Variants in TRIP11 observed in about 807,000 individuals in gnomAD.
TRIP11 encodes the protein thyroid hormone receptor interactor 11.
TRIP11 carries 148 observed loss-of-function variants against 223.1 expected under a neutral mutation model. The ratio of observed to expected loss-of-function variants is 0.66; its 90% confidence interval spans 0.58 to 0.76. The LOEUF (loss-of-function observed/expected upper bound fraction) is 0.76, where lower values mean the gene tolerates loss of function less well. TRIP11 is among the 30% of genes least tolerant of loss of function. TRIP11 has a pLI of 0.00. For missense variants in TRIP11, 2,043 were observed against 2,222.0 expected (o/e 0.92, Z 1.62); for synonymous variants, 762 against 772.6 (o/e 0.99, Z 0.23).
chr14:91,991,616 A>T (rs2056673286), intron 15 of TRIP11, among the ~76,000 whole-genome samples: 1 of 152,188 alleles, frequency 6.6e-6, no homozygotes, highest in South Asian at 2.1e-4. Flanking sequence ...CAAGATATAC[A>T]TCTAAAAAAA....
intron 16 of TRIP11, among the ~76,000 whole-genome samples, chr14:91,982,417 T>C (rs2056556440): frequency 6.6e-6 from 1 of 151,898 alleles, no homozygotes; most frequent in Non-Finnish European, 1.5e-5. Flanking sequence ...ATTGGGTACA[T>C]ACGGACATAA....
At position 91,975,408 on chromosome 14, in the gene TRIP11, A is replaced by G. The variant is rs1230705956; in HGVS notation, c.5343-122T>C. 9 of 534,790 alleles carry G rather than the reference A, an allele frequency of 1.7e-5. No individual in the cohort carries two copies. In the Admixed American group the frequency reaches 2.7e-4, roughly 16 times the overall value. The allele number at this position is 534,790 out of a possible 1,614,324, so 33.1% of individuals were successfully genotyped here. ...TATTTACTTATAAAAAAGTCTAAAC[A>G]AAATATTTTAAAGTGTCTTTAAAAA... On this transcript the variant is annotated intron_variant, in intron 17 of 20. Transcript: ENST00000267622.
At chr14:91,977,067 T>G (rs2056474544) in intron 16 of TRIP11, 2 of 259,172 alleles carry the variant, frequency 7.7e-6, no homozygotes, top group Admixed American at 1.0e-4. Flanking sequence ...CTGAAAGAAA[T>G]AAAGAGGAGA....
At chr14:91,997,408 G>A (rs977409719) in intron 13 of TRIP11, among the ~76,000 whole-genome samples, 10 of 152,074 alleles carry the variant, frequency 6.6e-5, no homozygotes, top group Non-Finnish European at 1.5e-5. Context: ...TATAGGACAC[G>A]TCGACAATTA....
In TRIP11 at chr14:92,011,024, C is replaced by T; in HGVS notation, c.1276G>A (p.Val426Ile). ...DNLKLKMRIE[V>I]LEKEKSLLSQ... ...AGTAATGACTTCTCTTTTTCTAAAA[C>T]TTCGATACGCATTTTAAGTTTCAGA... The change falls in exon 9 of 21, where the codon GTT becomes ATT. Residue 426 changes from valine (V) to isoleucine (I), a missense_variant. Coordinates refer to ENST00000267622, the MANE Select transcript of TRIP11 (RefSeq NM_004239.4). 2.5e-6 allele frequency: 4 copies of T among 1,613,932 alleles called. No homozygotes were observed. The highest frequency in any genetic ancestry group is 2.5e-6 in the Non-Finnish European group (3 of 1,179,962).
intron 13 of TRIP11, among the ~76,000 whole-genome samples, chr14:91,997,985 T>C (rs1318302217): frequency 6.6e-6 from 1 of 152,114 alleles, no homozygotes; most frequent in Non-Finnish European, 1.5e-5. Flanking sequence ...TATAGCCAAA[T>C]GATCACTCAT....
chr14:92,036,973 T>TC (rs955380877), intron 1 of TRIP11, among the ~76,000 whole-genome samples: 1 of 152,130 alleles, frequency 6.6e-6, no homozygotes, highest in African/African-American at 2.4e-5. Context: ...TAAGCTATCC[T>TC]CCCACTTTAG....
intron 4 of TRIP11, among the ~76,000 whole-genome samples, chr14:92,020,857 G>C (rs2140136531): frequency 1.3e-5 from 2 of 150,104 alleles, no homozygotes; most frequent in East Asian, 4.0e-4. Flanking sequence ...AGATCACGAG[G>C]TTAGGAGTTT....
chr14:91,976,025 T>TA, intron 17 of TRIP11, 83 bp downstream of exon 17: 1 of 1,336,168 alleles, frequency 7.5e-7, no homozygotes, highest in Non-Finnish European at 1.0e-6. Flanking sequence ...TAATCACATA[T>TA]AAACATCTAC....
Position 92,030,021 on chromosome 14 carries a change from C to A in TRIP11, c.201+3171G>T, listed in dbSNP as rs1323691202. On this transcript the variant is annotated intron_variant, in intron 2 of 20. Transcript: ENST00000267622. ...GACCATCCCGGCTAAAACGGTGAAA[C>A]CCCGTCTCTACTAAAAATACAAAAT... 3.3e-5 allele frequency among the ~76,000 whole-genome samples: 5 copies of A among 151,892 alleles called. No individual in the cohort carries two copies. In the South Asian group the frequency reaches 8.3e-4, roughly 25 times the overall value.
Position 91,969,125 on chromosome 14 carries a change from C to T in TRIP11, c.*548G>A, listed in dbSNP as rs184381829. ...AGAATCTACACACATGATAATATTGCACAGGACCAAATACATACTTCACCT... is the reference window on the plus strand; with the variant it reads ...AGAATCTACACACATGATAATATTGTACAGGACCAAATACATACTTCACCT... On this transcript the variant is annotated 3_prime_UTR_variant, in exon 21 of 21. Coordinates refer to ENST00000267622, the MANE Select transcript of TRIP11 (RefSeq NM_004239.4). 1.2e-4 allele frequency: 29 copies of T among 236,086 alleles called. No homozygotes were observed. In the East Asian group the frequency reaches 1.7e-3, roughly 14 times the overall value. The allele number at this position is 236,086 out of a possible 1,614,324, so 14.6% of individuals were successfully genotyped here.
Position 92,006,102 on chromosome 14 carries a change from T to C in TRIP11, c.1874A>G (p.Asn625Ser). 1 of 1,605,720 alleles carries C rather than the reference T, an allele frequency of 6.2e-7. No homozygotes were observed. Among genetic ancestry groups the C allele is most frequent in the Non-Finnish European group, 8.5e-7 (1 of 1,177,330 alleles). ...TTGATTTAGAGACTGCATTAACTCA[T>C]TCCTTATTCTAGAAAGCTCCTCCTC... is the stretch of plus-strand genomic sequence containing the variant. ...QNEEELSRIRNELMQSLNQDS... is the reference protein window; with the variant it reads ...QNEEELSRIRSELMQSLNQDS... The change falls in exon 11 of 21, where the codon AAT becomes AGT. Residue 625 changes from asparagine (N) to serine (S), a missense_variant. Physicochemically the swap from Asn to Ser is conservative, Grantham distance 46 (BLOSUM62 1). Coordinates refer to ENST00000267622, the MANE Select transcript of TRIP11 (RefSeq NM_004239.4).
intron 9 of TRIP11, among the ~76,000 whole-genome samples, chr14:92,010,470 C>A (rs1355728045): frequency 1.3e-5 from 2 of 151,880 alleles, no homozygotes; most frequent in African/African-American, 4.8e-5. Context: ...GCGGAGGTTG[C>A]GGTGACCCGA....
chr14:92,016,003 C>T, intron 5 of TRIP11, 142 bp from the exon 6 acceptor site: 1 of 805,342 alleles, frequency 1.2e-6, no homozygotes, highest in South Asian at 2.0e-5. Context: ...AAACACAGAC[C>T]CAAAATTAGG....
chr14:91,966,522 T>C lies in TRIP11; in HGVS notation c.*3151A>G, dbSNP rs930154531. 13 of 198,834 alleles carry C rather than the reference T, an allele frequency of 6.5e-5. No individual in the cohort carries two copies. Among genetic ancestry groups the C allele is most frequent in the Admixed American group, 4.2e-4 (7 of 16,576 alleles). 12.3% of individuals were successfully genotyped at this position (198,834 alleles called of 1,614,324 possible). A position where few individuals can be genotyped will look rare whatever the true frequency, so the allele number is the denominator to read the frequency against. ...CTACTGTCCCTGAAGACATAGCTTT[T>C]CCCCCCATTGATTGGATAAGTATTT... is the stretch of plus-strand genomic sequence containing the variant. On this transcript the variant is annotated 3_prime_UTR_variant, in exon 21 of 21. Coordinates refer to ENST00000267622, the MANE Select transcript of TRIP11 (RefSeq NM_004239.4).
In TRIP11 at chr14:92,025,758, T is replaced by C. The variant is rs568531315; in HGVS notation, c.202-338A>G. ...AGACGGGCGTGGTGGCGTGTGCCCG[T>C]AATCCCAGCTACTCGCGAGGCTGAG... On this transcript the variant is annotated intron_variant, in intron 2 of 20. Transcript: ENST00000267622. Among the ~76,000 whole-genome samples, 3 of 151,642 alleles carry C rather than the reference T, an allele frequency of 2.0e-5. No individual in the cohort carries two copies. The South Asian group carries it at 6.2e-4, about 31-fold the overall frequency.
chr14:92,037,445 T>C lies in TRIP11; in HGVS notation c.139+2102A>G, dbSNP rs182839713. On this transcript the variant is annotated intron_variant, in intron 1 of 20. Coordinates refer to ENST00000267622, the MANE Select transcript of TRIP11 (RefSeq NM_004239.4). This position sits in a 1 kb window ranked among gnomAD's most constrained non-coding sequence, Gnocchi z 4.2. ...ATTGTTTTCTGGGTGAAGGAGGAAA[T>C]AGAGAAGAAAGGGCTTTCCATGTAG... Among the ~76,000 whole-genome samples the C allele has an allele frequency of 1.2e-3, 184 of 152,258 alleles. No homozygotes were observed. Among genetic ancestry groups the C allele is most frequent in the African/African-American group, 4.1e-3 (170 of 41,544 alleles).
intron 5 of TRIP11, among the ~76,000 whole-genome samples, chr14:92,016,999 G>C (rs561347321): frequency 2.0e-5 from 3 of 151,906 alleles, no homozygotes; most frequent in Admixed American, 1.3e-4. Flanking sequence ...AAATTCTACC[G>C]CTAAGGTAAA....
intron 2 of TRIP11, among the ~76,000 whole-genome samples, chr14:92,032,853 A>G (rs957387482): frequency 6.6e-6 from 1 of 151,496 alleles, no homozygotes; most frequent in Non-Finnish European, 1.5e-5. Context: ...AAAAAAAATT[A>G]TTCTTAAATA....
Sources: gnomAD v4.1 joint callset for allele counts (sites outside exome capture counted in the v4.1 genomes callset) on GRCh38, gnomAD v4.1.1 for gene constraint, Gnocchi (gnomAD v3.1) non-coding constraint, MANE v1.5 for transcripts, NCBI Gene and HGNC (gene_info 2026-07-23, HGNC 2026-07-21) for gene names.